ANO6: variants seen among roughly 807,000 people sequenced by gnomAD.
The protein encoded by ANO6 is anoctamin-6.
Under a neutral mutation model 117.5 loss-of-function variants are expected in ANO6, and 106 were observed. That is an observed-to-expected ratio of 0.90 (90% confidence interval 0.77 to 1.06). ANO6 has a LOEUF of 1.06. ANO6 is among the 50% of genes least tolerant of loss of function. The pLI is 0.00. For synonymous variants in ANO6, 367 were observed against 385.1 expected (o/e 0.95, Z 0.55); for missense variants, 955 against 1,121.1 (o/e 0.85, Z 2.12).
chr12:45,338,785 C>T (rs1211481998), intron 3 of ANO6, among the ~76,000 whole-genome samples: 2 of 151,856 alleles, frequency 1.3e-5, no homozygotes, highest in Admixed American at 6.6e-5. Flanking sequence ...ATTCTTGCTT[C>T]TTATTTCCAA....
chr12:45,317,518 T>C (rs1016213032), intron 2 of ANO6, among the ~76,000 whole-genome samples: 4 of 151,828 alleles, frequency 2.6e-5, no homozygotes, highest in Non-Finnish European at 5.9e-5. Context: ...ATCCAGTCTA[T>C]CATTGTTGGA....
intron 3 of ANO6, among the ~76,000 whole-genome samples, chr12:45,344,074 G>A (rs1046988629): frequency 6.6e-6 from 1 of 152,100 alleles, no homozygotes; most frequent in African/African-American, 2.4e-5. Context: ...TTTAAAATGG[G>A]TGTCCATAAA....
intron 1 of ANO6, among the ~76,000 whole-genome samples, chr12:45,301,211 A>G (rs1383754377): frequency 6.9e-6 from 1 of 145,662 alleles, no homozygotes; most frequent in Non-Finnish European, 1.5e-5. Context: ...TAAATAAATT[A>G]TGTTATTAAA....
In ANO6 at chr12:45,243,123, C is replaced by T. The variant is rs1220471546; in HGVS notation, c.70+26732C>T. Among the ~76,000 whole-genome samples the T allele has an allele frequency of 2.6e-5, 4 of 152,200 alleles. No homozygotes were observed. The East Asian group carries it at 7.7e-4, about 29-fold the overall frequency. On this transcript the variant is annotated intron_variant, in intron 1 of 19. Transcript: ENST00000320560. Reference sequence around the variant, plus strand: ...TGAGCCTAGCCAAGTTCAAGACCAGCCTAGGCAATGTAGCGAGACCCAATC... The same window carrying T: ...TGAGCCTAGCCAAGTTCAAGACCAGTCTAGGCAATGTAGCGAGACCCAATC...
chr12:45,260,333 A>G (rs543294823), intron 1 of ANO6, among the ~76,000 whole-genome samples: 1 of 152,330 alleles, frequency 6.6e-6, no homozygotes, highest in South Asian at 2.1e-4. Flanking sequence ...TCAAGGAAGG[A>G]AGCAGGCAGA....
At chr12:45,356,340 CTTATTA>C (rs1026508462) in intron 7 of ANO6, among the ~76,000 whole-genome samples, 37 of 151,850 alleles carry the variant, frequency 2.4e-4, no homozygotes, top group African/African-American at 8.7e-4. Context: ...GGTTTTTTTT[CTTATTA>C]TTACAGTTGC....
intron 1 of ANO6, among the ~76,000 whole-genome samples, chr12:45,295,104 T>A (rs530149527): frequency 2.6e-5 from 4 of 152,234 alleles, no homozygotes; most frequent in African/African-American, 9.6e-5. Context: ...AGCGCTCTTA[T>A]GATTCAAGTC....
intron 16 of ANO6, among the ~76,000 whole-genome samples, chr12:45,413,692 GA>G (rs1230264245): frequency 6.6e-6 from 1 of 152,180 alleles, no homozygotes; most frequent in Non-Finnish European, 1.5e-5. Context: ...TCAACACAGA[GA>G]AGGCTTGGGA....
At chr12:45,373,506 A>T (rs1941908954) in intron 9 of ANO6, among the ~76,000 whole-genome samples, 1 of 152,232 alleles carries the variant, frequency 6.6e-6, no homozygotes, top group African/African-American at 2.4e-5. Flanking sequence ...ATTATAACAA[A>T]CTATCTCTCA....
chr12:45,367,781 C>G lies in ANO6; in HGVS notation c.1092C>G (p.Cys364Trp), dbSNP rs61745715. 1 of 1,612,948 alleles carries G rather than the reference C, an allele frequency of 6.2e-7. No individual in the cohort carries two copies. Among genetic ancestry groups the G allele is most frequent in the South Asian group, 1.1e-5 (1 of 91,038 alleles). Residue 364 changes from cysteine to tryptophan, a missense_variant, in exon 9 of 20, where the codon TGC becomes TGG. Transcript: ENST00000320560. ...CATTCTGGAAACTCAATATTACTTG[C>G]GAGTCCTCAAAGGTAATTTTTGCTA... is the stretch of plus-strand genomic sequence containing the variant. Reference protein sequence around the residue: ...LCPFWKLNITCESSKKLCIFD... With the variant: ...LCPFWKLNITWESSKKLCIFD...
chr12:45,395,959 C>T (rs1156444347), intron 12 of ANO6, among the ~76,000 whole-genome samples: 1 of 152,148 alleles, frequency 6.6e-6, no homozygotes, highest in Non-Finnish European at 1.5e-5. Flanking sequence ...TCTCTCCACT[C>T]CCATTCAACA....
intron 16 of ANO6, among the ~76,000 whole-genome samples, chr12:45,409,790 C>G (rs542855422): frequency 6.6e-6 from 1 of 152,294 alleles, no homozygotes; most frequent in African/African-American, 2.4e-5. Flanking sequence ...GAGTCTCACT[C>G]TGTAGCCCAG....
At chr12:45,440,001 T>C (rs1198564685) in exon 20 of ANO6, 1 of 1,419,820 alleles carries the variant, frequency 7.0e-7, no homozygotes, top group Non-Finnish European at 9.2e-7. Context: ...CATTGTTTCA[T>C]GTGCTCAAGA....
chr12:45,421,127 C>T lies in ANO6; in HGVS notation c.2274C>T (p.Ser758=). The change falls in exon 18 of 20, where the codon TCC becomes TCT. Residue 758 remains serine, a synonymous_variant. Coordinates refer to ENST00000320560, the MANE Select transcript of ANO6 (RefSeq NM_001025356.3). ...TCCCCCGCCTAGTGTACTACTGGTC[C>T]TTCTCCGTCCCTCCCTACGGGGACC... ...DMIPRLVYYW[S]FSVPPYGDHT... is the part of the protein sequence containing the mutation. 1 of 1,614,202 alleles carries T rather than the reference C, an allele frequency of 6.2e-7. No homozygotes were observed. The highest frequency in any genetic ancestry group is 1.1e-5 in the South Asian group (1 of 91,078).
chr12:45,431,690 A>C lies in ANO6; in HGVS notation c.*2379A>C. ...GTCCACGGCTGACTTGCAGTGATAA[A>C]GAAAAGCATGGAGCTGTGTCTGCAG... On this transcript the variant is annotated 3_prime_UTR_variant, in exon 20 of 20. Transcript: ENST00000320560. 1.0e-6 allele frequency: 1 copy of C among 985,462 alleles called. No homozygotes were observed. The highest frequency in any genetic ancestry group is 1.2e-6 in the Non-Finnish European group (1 of 829,942). 61.0% of individuals were successfully genotyped at this position (985,462 alleles called of 1,614,324 possible).
At chr12:45,315,454 A>G (rs1251321322) in intron 2 of ANO6, among the ~76,000 whole-genome samples, 2 of 151,966 alleles carry the variant, frequency 1.3e-5, no homozygotes, top group African/African-American at 4.8e-5. Flanking sequence ...GAAGCGAATC[A>G]AAGATAGTCT....
At chr12:45,386,720 C>CTCACTTT (rs1373496072) in intron 10 of ANO6, among the ~76,000 whole-genome samples, 17 of 152,354 alleles carry the variant, frequency 1.1e-4, no homozygotes, top group Non-Finnish European at 1.5e-4. Context: ...GCTGCCCCAC[C>CTCACTTT]TCCATCACAC....
At chr12:45,236,030 C>T (rs1947640144) in intron 1 of ANO6, among the ~76,000 whole-genome samples, 1 of 152,202 alleles carries the variant, frequency 6.6e-6, no homozygotes, top group African/African-American at 2.4e-5. Context: ...GGAGAAGGGT[C>T]CTCTCTGCCT....
chr12:45,431,734 G>C lies in ANO6; in HGVS notation c.*2423G>C. On this transcript the variant is annotated 3_prime_UTR_variant, in exon 20 of 20. Transcript: ENST00000320560. ...TCTGCAGACAATGGTGGCTGCATCT[G>C]TAAGTGGCTTCAGAGGCAGCAGCCC... 1.0e-6 allele frequency: 1 copy of C among 985,488 alleles called. No individual in the cohort carries two copies. Among genetic ancestry groups the C allele is most frequent in the Non-Finnish European group, 1.2e-6 (1 of 829,970 alleles). The allele number at this position is 985,488 out of a possible 1,614,324, so 61.0% of individuals were successfully genotyped here. A position where few individuals can be genotyped will look rare whatever the true frequency, so the allele number is the denominator to read the frequency against.
Sources: allele counts gnomAD v4.1 joint callset (sites outside exome capture counted in the v4.1 genomes callset), GRCh38; gene constraint gnomAD v4.1.1; transcripts MANE v1.5; gene names NCBI Gene and HGNC (gene_info 2026-07-23, HGNC 2026-07-21).